The following MUC4 variants were observed in gnomAD, a reference collection of about 807,000 sequenced individuals.
MUC4 encodes mucin 4, cell surface associated.
MUC4 carries 202 observed loss-of-function variants against 257.9 expected under a neutral mutation model. The ratio of observed to expected loss-of-function variants is 0.78; its 90% CI spans 0.70 to 0.88. The LOEUF is 0.88. MUC4 is among the 40% of genes least tolerant of loss of function. The pLI, the probability that MUC4 is intolerant of heterozygous loss-of-function variation, is 0.00. For missense variants in MUC4, 5,976 were observed against 6,513.7 expected (o/e 0.92, Z 2.84); for synonymous variants, 2,351 against 2,757.1 (o/e 0.85, Z 4.62).
chr3:195,774,151 CG>C lies in MUC4; in HGVS notation c.13077+20del, dbSNP rs1553864622. The stretch of plus-strand genomic sequence containing the variant: ...GTGGGCCCTGGGAGTTCAGGCTGCG[CG>C]GGCCGCAGCCCGGACTCACGTAGAG... On this transcript the variant is annotated intron_variant, in intron 4 of 24. Transcript: ENST00000463781. 15 of 1,588,162 alleles carry C rather than the reference CG, an allele frequency of 9.4e-6. No homozygotes were observed. Among genetic ancestry groups the C allele is most frequent in the Non-Finnish European group, 1.2e-5 (14 of 1,170,222 alleles).
intron 24 of MUC4, 35 bp downstream of exon 24, chr3:195,748,867 A>C: frequency 6.6e-7 from 1 of 1,524,700 alleles, no homozygotes; most frequent in Non-Finnish European, 8.8e-7. Flanking sequence ...GTTCCCCAGC[A>C]CTGTCCTCCA....
At chr3:195,797,647 G>A (rs1241061986) in intron 1 of MUC4, among the ~76,000 whole-genome samples, 3 of 152,096 alleles carry the variant, frequency 2.0e-5, no homozygotes, top group Non-Finnish European at 2.9e-5. Flanking sequence ...GAAATAAGAC[G>A]AGAAAATTAA....
chr3:195,801,669 C>T (rs1020996377), intron 1 of MUC4, among the ~76,000 whole-genome samples: 13 of 152,180 alleles, frequency 8.5e-5, no homozygotes, highest in African/African-American at 3.1e-4. Flanking sequence ...CCCCACCTCA[C>T]TCACTTCGCT....
chr3:195,795,356 T>A (rs962378002), intron 1 of MUC4, among the ~76,000 whole-genome samples: 3 of 152,298 alleles, frequency 2.0e-5, no homozygotes, highest in Admixed American at 2.0e-4. Context: ...TCCTTTTTTT[T>A]AAAGTAAAGA....
Position 195,759,218 on chromosome 3 carries a change from G to C in MUC4, c.14892C>G (p.Ala4964=). ...PSINGGRVIE[A]YKGQTTLIQY... is the part of the protein sequence containing the mutation. ...GAATCAGCGTGGTCTGCCCCTTGTA[G>C]GCTTCAATCACACGACCACCATTGA... Residue 4964 remains alanine (A), a synonymous_variant, in exon 17 of 25, where the codon GCC becomes GCG. Coordinates refer to ENST00000463781, the MANE Select transcript of MUC4 (RefSeq NM_018406.7). 1 of 1,614,078 alleles carries C rather than the reference G, an allele frequency of 6.2e-7. No individual in the cohort carries two copies. The highest frequency in any genetic ancestry group is 8.5e-7 in the Non-Finnish European group (1 of 1,180,004).
intron 16 of MUC4, among the ~76,000 whole-genome samples, chr3:195,760,129 G>C (rs908599223): frequency 6.6e-6 from 1 of 152,064 alleles, no homozygotes; most frequent in Non-Finnish European, 1.5e-5. Context: ...GGGTGGTGAG[G>C]ATACAGTCAT....
chr3:195,767,585 T>TCAC (rs1257823008), intron 7 of MUC4, among the ~76,000 whole-genome samples: 1 of 58,742 alleles, frequency 1.7e-5, no homozygotes, highest in Non-Finnish European at 3.3e-5. Context: ...ACCACCACCA[T>TCAC]CACCACCACC....
rs1268104651 is a variant in MUC4 at position 195,780,048 on chromosome 3, G to T, written c.11532C>A (p.Thr3844=). 1.4e-6 allele frequency: 1 copy of T among 732,662 alleles called. No homozygotes were observed. Among genetic ancestry groups the T allele is most frequent in the Non-Finnish European group, 1.7e-6 (1 of 573,780 alleles). 45.4% of individuals were successfully genotyped at this position (732,662 alleles called of 1,614,324 possible). A position where few individuals can be genotyped will look rare whatever the true frequency, so the allele number is the denominator to read the frequency against. Residue 3844 remains threonine, a synonymous_variant, in exon 2 of 25, where the codon ACC becomes ACA. Coordinates refer to ENST00000463781, the MANE Select transcript of MUC4 (RefSeq NM_018406.7). ...CACCTGTGGATACTGAGGAAGGGAT[G>T]GTGACAGGAAGAGGGGTGGCGTGAC... ...STGHATPLPV[T]IPSSVSTGDT... is the part of the protein sequence containing the mutation.
At chr3:195,748,858 T>C (rs1199582784) in intron 24 of MUC4, 44 bp downstream of exon 24, 4 of 1,496,646 alleles carry the variant, frequency 2.7e-6, no homozygotes, top group Non-Finnish European at 3.5e-6. Flanking sequence ...CCAGCTTGGG[T>C]TCCCCAGCAC....
intron 5 of MUC4, chr3:195,770,883 C>T (rs550729468): frequency 4.4e-6 from 2 of 457,832 alleles, no homozygotes; most frequent in Non-Finnish European, 8.8e-6. Context: ...AGACCCCCTA[C>T]AGCCTGATTT....
rs774685313 is a variant in MUC4, at chr3:195,754,374, T to C, written c.15169-2A>G. ...CCCGTCACACTTGCAGCCAGCCACCTGGAGGAGGGTTGCCGATCACGGGCG... is the reference window on the plus strand; with the variant it reads ...CCCGTCACACTTGCAGCCAGCCACCCGGAGGAGGGTTGCCGATCACGGGCG... On this transcript the variant is annotated splice_acceptor_variant, in intron 18 of 24. Coordinates refer to ENST00000463781, the MANE Select transcript of MUC4 (RefSeq NM_018406.7). LOFTEE classifies it high-confidence loss of function. The C allele has an allele frequency of 6.2e-7, 1 of 1,603,794 alleles. No homozygotes were observed. Among genetic ancestry groups the C allele is most frequent in the Admixed American group, 1.7e-5 (1 of 59,422 alleles).
At chr3:195,752,320 C>G in intron 21 of MUC4, 53 bp downstream of exon 21, 1 of 1,480,008 alleles carries the variant, frequency 6.8e-7, no homozygotes, top group Admixed American at 1.7e-5. Flanking sequence ...TCCGCCCTGG[C>G]CTGAACCCGC....
intron 6 of MUC4, chr3:195,769,826 G>A (rs991532830): frequency 1.6e-5 from 3 of 183,632 alleles, no homozygotes; most frequent in Non-Finnish European, 2.2e-5. Context: ...TTTGCCAGTG[G>A]CGTGACTCTG....
chr3:195,765,948 C>A (rs1253930660), intron 8 of MUC4, among the ~76,000 whole-genome samples: 1 of 151,934 alleles, frequency 6.6e-6, no homozygotes, highest in Non-Finnish European at 1.5e-5. Flanking sequence ...GTGAGACCCC[C>A]GGGCCTCTTC....
chr3:195,749,022 T>G lies in MUC4; in HGVS notation c.15914A>C (p.Tyr5305Ser), dbSNP rs770220803. 1.2e-6 allele frequency: 2 copies of G among 1,609,268 alleles called. No individual in the cohort carries two copies. Among genetic ancestry groups the G allele is most frequent in the Non-Finnish European group, 1.7e-6 (2 of 1,177,782 alleles). The change falls in exon 24 of 25, where the codon TAC (tyrosine) becomes TCC (serine). Residue 5305 changes from tyrosine to serine, a missense_variant. Tyr to Ser is a moderately radical substitution (Grantham distance 144). This residue lies in a region of MUC4 where 310 missense variants were observed against 242.1 expected (regional missense o/e 1.28). Transcript: ENST00000463781. ...GCTGTAGACCAGGTCGTAGCCCTTGTAGCCATCGCATCTGAAGTAAGCCTT... is the reference window on the plus strand; with the variant it reads ...GCTGTAGACCAGGTCGTAGCCCTTGGAGCCATCGCATCTGAAGTAAGCCTT... ...TLKAYFRCDG[Y>S]KGYDLVYSPQ...
At chr3:195,811,629 A>T in intron 1 of MUC4, 107 bp downstream of exon 1, 2 of 875,692 alleles carry the variant, frequency 2.3e-6, no homozygotes, top group Non-Finnish European at 3.5e-6. Flanking sequence ...CCTTTCCCCT[A>T]TTCTCTCTCT....
rs771491421 is a variant in MUC4, at chr3:195,783,227, G to T, written c.8353C>A (p.Leu2785Ile). The change falls in exon 2 of 25, where the codon CTT (leucine) becomes ATT (isoleucine). Residue 2785 changes from leucine to isoleucine, a missense_variant. Leu to Ile is a conservative substitution (Grantham distance 5). Coordinates refer to ENST00000463781, the MANE Select transcript of MUC4 (RefSeq NM_018406.7). ...SSVSTGHATP[L>I]HVTSPSSAST... is the part of the protein sequence containing the mutation. ...GCTGAGGAAGGGCTGGTGACATGAA[G>T]AGGGGTGGCGTGACCTGTGGATACT... The T allele has an allele frequency of 2.2e-6, 3 of 1,362,614 alleles. No individual in the cohort carries two copies. The highest frequency in any genetic ancestry group is 3.0e-6 in the Non-Finnish European group (3 of 994,230). 84.4% of individuals were successfully genotyped at this position (1,362,614 alleles called of 1,614,324 possible). A position where few individuals can be genotyped will look rare whatever the true frequency, so the allele number is the denominator to read the frequency against.
rs780387300 is a variant in MUC4, at chr3:195,749,011, C to T, written c.15925G>A (p.Asp5309Asn). 22 of 1,609,594 alleles carry T rather than the reference C, an allele frequency of 1.4e-5. No homozygotes were observed. Among genetic ancestry groups the T allele is most frequent in the East Asian group, 2.2e-5 (1 of 44,708 alleles). Residue 5309 changes from aspartate to asparagine, a missense_variant, in exon 24 of 25, where the codon GAC (aspartate) becomes AAC (asparagine). Asp to Asn is a conservative substitution (Grantham distance 23). Coordinates refer to ENST00000463781, the MANE Select transcript of MUC4 (RefSeq NM_018406.7). ...CCGCTCTGGGGGCTGTAGACCAGGTCGTAGCCCTTGTAGCCATCGCATCTG... is the reference window on the plus strand; with the variant it reads ...CCGCTCTGGGGGCTGTAGACCAGGTTGTAGCCCTTGTAGCCATCGCATCTG... ...YFRCDGYKGY[D>N]LVYSPQSGFT... is the part of the protein sequence containing the mutation.
Position 195,784,998 on chromosome 3 carries a change from A to T in MUC4, c.6582T>A (p.Pro2194=), listed in dbSNP as rs1422768201. 6.6e-7 allele frequency: 1 copy of T among 1,515,384 alleles called. No individual in the cohort carries two copies. Among genetic ancestry groups the T allele is most frequent in the Admixed American group, 2.0e-5 (1 of 49,592 alleles). The allele number at this position is 1,515,384 out of a possible 1,614,324, so 93.9% of individuals were successfully genotyped here. The change falls in exon 2 of 25, where the codon CCT becomes CCA. Residue 2194 remains proline, a synonymous_variant. Coordinates refer to ENST00000463781, the MANE Select transcript of MUC4 (RefSeq NM_018406.7). ...TGGATGCTGAGGAAGTGTCGGTGACAGGAAGAGGGGTGGCGTGACCTGTGG... is the reference window on the plus strand; with the variant it reads ...TGGATGCTGAGGAAGTGTCGGTGACTGGAAGAGGGGTGGCGTGACCTGTGG... The part of the protein sequence containing the change: ...SASTGHATPL[P]VTDTSSASTG...
Sources: allele counts gnomAD v4.1 joint callset (sites outside exome capture counted in the v4.1 genomes callset), GRCh38; gene constraint gnomAD v4.1.1; regional missense constraint gnomAD v4.1.1; transcripts MANE v1.5; gene names NCBI Gene and HGNC (gene_info 2026-07-23, HGNC 2026-07-21).